UNC13C: variants seen among roughly 807,000 people sequenced by gnomAD.
UNC13C encodes the protein protein unc-13 homolog C.
UNC13C carries 174 observed loss-of-function variants against 245.4 expected under a neutral mutation model. The ratio of observed to expected loss-of-function variants is 0.71; its 90% CI spans 0.63 to 0.80. The LOEUF (loss-of-function observed/expected upper bound fraction) is 0.80, where lower values mean the gene tolerates loss of function less well. Among genes scored for constraint, UNC13C ranks in the 30% least tolerant of loss-of-function variants. The pLI, the probability that UNC13C is intolerant of heterozygous loss-of-function variation, is 0.00. For synonymous variants in UNC13C, 992 were observed against 895.1 expected, an observed-to-expected ratio of 1.11 and a Z score of -1.93; for missense variants, 2,829 against 2,602.9, an observed-to-expected ratio of 1.09 and a Z score of -1.89.
the UNC13C span, among the ~76,000 whole-genome samples, chr15:53,884,671 A>G: frequency 3.3e-5 from 5 of 151,886 alleles, no homozygotes; most frequent in African/African-American, 9.7e-5. Flanking sequence ...ATTCCATTCC[A>G]TTCTGCTCTT....
intron 2 of UNC13C, among the ~76,000 whole-genome samples, chr15:54,028,845 C>T (rs1357865816): frequency 6.6e-6 from 1 of 152,038 alleles, no homozygotes; most frequent in Non-Finnish European, 1.5e-5. Context: ...CGCCCGCAGC[C>T]TGCAGGTCTT....
Position 54,237,630 on chromosome 15 carries a change from C to A in UNC13C, c.3168C>A (p.Ala1056=). ...TCTGTTTGTTTTAGACCCTGGCTGC[C>A]CGGAAATCTGGACTCTCCCTGGCTA... ...IVRDVAMTLA[A]RKSGLSLAMV... is the part of the protein sequence containing the mutation. The change falls in exon 7 of 33, where the codon GCC becomes GCA. Residue 1056 remains alanine (A), a synonymous_variant. Coordinates refer to ENST00000260323, the MANE Select transcript of UNC13C (RefSeq NM_001080534.3). 1 of 1,612,090 alleles carries A rather than the reference C, an allele frequency of 6.2e-7. No homozygotes were observed.
chr15:54,452,181 T>G (rs1209886559), intron 19 of UNC13C, among the ~76,000 whole-genome samples: 1 of 152,168 alleles, frequency 6.6e-6, no homozygotes, highest in Non-Finnish European at 1.5e-5. Flanking sequence ...GTAGCTGTTC[T>G]TGAGCCCAAG....
At chr15:54,008,270 T>C (rs1253463764) in intron 1 of UNC13C, among the ~76,000 whole-genome samples, 1 of 152,218 alleles carries the variant, frequency 6.6e-6, no homozygotes, top group Non-Finnish European at 1.5e-5. Flanking sequence ...GTCAAGGCTG[T>C]GTTTCATGTT....
At chr15:54,334,898 T>A (rs73415722) in intron 16 of UNC13C, among the ~76,000 whole-genome samples, 1,554 of 152,168 alleles carry the variant, frequency 0.01, 21 homozygotes, top group African/African-American at 0.035. Context: ...GCCTCCTTGT[T>A]TAAAAACACT....
chr15:54,556,349 T>C (rs1387154186), intron 29 of UNC13C, among the ~76,000 whole-genome samples: 2 of 152,054 alleles, frequency 1.3e-5, no homozygotes, highest in Non-Finnish European at 2.9e-5. Flanking sequence ...GAAACAATGG[T>C]ATTCATTTCA....
chr15:53,941,393 T>C, the UNC13C span, among the ~76,000 whole-genome samples: 1 of 152,054 alleles, frequency 6.6e-6, no homozygotes, highest in Non-Finnish European at 1.5e-5. Context: ...TGGGTAAAGA[T>C]TTCATGACAA....
the UNC13C span, among the ~76,000 whole-genome samples, chr15:53,936,261 G>A: frequency 6.6e-6 from 1 of 152,050 alleles, no homozygotes; most frequent in Admixed American, 6.5e-5. Context: ...AGCAGATCAT[G>A]GCCAGACTGC....
At chr15:54,438,822 C>T (rs1432687859) in intron 19 of UNC13C, among the ~76,000 whole-genome samples, 1 of 151,902 alleles carries the variant, frequency 6.6e-6, no homozygotes, top group Non-Finnish European at 1.5e-5. Context: ...TTCACTCTGA[C>T]CTCAATAACC....
intron 28 of UNC13C, among the ~76,000 whole-genome samples, chr15:54,553,811 G>A (rs1265039656): frequency 1.3e-5 from 2 of 150,788 alleles, no homozygotes; most frequent in Non-Finnish European, 3.0e-5. Context: ...AGAAAATAAT[G>A]TGACCACATT....
intron 19 of UNC13C, among the ~76,000 whole-genome samples, chr15:54,477,888 C>T (rs887989713): frequency 3.4e-4 from 51 of 148,776 alleles, no homozygotes; most frequent in African/African-American, 1.1e-3. Context: ...GGAATGGTAC[C>T]AGTTCCTCCT....
chr15:54,478,861 A>G (rs1004539486), intron 19 of UNC13C, among the ~76,000 whole-genome samples: 29 of 152,126 alleles, frequency 1.9e-4, no homozygotes, highest in Middle Eastern at 3.4e-3. Context: ...ATTCCTGAGT[A>G]TCCTTGTTAA....
At chr15:54,527,224 T>C (rs1895509038) in intron 25 of UNC13C, among the ~76,000 whole-genome samples, 1 of 152,212 alleles carries the variant, frequency 6.6e-6, no homozygotes, top group Non-Finnish European at 1.5e-5. Context: ...GTAGGGTTCA[T>C]TGGCTCTGAC....
At chr15:53,978,967 A>G (rs1893813600) in intron 1 of UNC13C, among the ~76,000 whole-genome samples, 40 bp downstream of exon 1, 1 of 152,142 alleles carries the variant, frequency 6.6e-6, no homozygotes, top group African/African-American at 2.4e-5. Flanking sequence ...CTTCATCTGC[A>G]TGCGATTTTC....
chr15:54,063,985 C>A (rs774986334), intron 2 of UNC13C, among the ~76,000 whole-genome samples: 1 of 152,116 alleles, frequency 6.6e-6, no homozygotes, highest in Non-Finnish European at 1.5e-5. Flanking sequence ...AGATTTGGCC[C>A]ACAACCAGGT....
At chr15:53,961,809 A>T in the UNC13C span, among the ~76,000 whole-genome samples, 2 of 152,238 alleles carry the variant, frequency 1.3e-5, no homozygotes, top group Non-Finnish European at 2.9e-5. Context: ...TATGTACAGT[A>T]GCAGAATAAC....
At chr15:54,418,373 C>T (rs148000616) in intron 19 of UNC13C, among the ~76,000 whole-genome samples, 90 of 152,136 alleles carry the variant, frequency 5.9e-4, no homozygotes, top group Non-Finnish European at 8.2e-4. Context: ...TCCCCTATGT[C>T]GTTTTAGTGG....
At chr15:54,591,609 G>A (rs892281464) in intron 30 of UNC13C, among the ~76,000 whole-genome samples, 25 of 152,084 alleles carry the variant, frequency 1.6e-4, no homozygotes, top group African/African-American at 5.5e-4. Flanking sequence ...ATGATCTTTT[G>A]TACTTCAGTC....
intron 13 of UNC13C, among the ~76,000 whole-genome samples, chr15:54,316,804 G>A (rs2038020419): frequency 6.6e-6 from 1 of 151,864 alleles, no homozygotes; most frequent in South Asian, 2.1e-4. Flanking sequence ...TCGGCCTTTG[G>A]AGGATTGCCC....
Sources: allele counts gnomAD v4.1 joint callset (sites outside exome capture counted in the v4.1 genomes callset), GRCh38; gene constraint gnomAD v4.1.1; transcripts MANE v1.5; gene names NCBI Gene and HGNC (gene_info 2026-07-23, HGNC 2026-07-21).